Variants in LRP10 observed in about 807,000 individuals in gnomAD.
LRP10 encodes the protein LDL receptor related protein 10, also known as low-density lipoprotein receptor-related protein 10.
A neutral mutation model predicts 58.5 loss-of-function variants in LRP10; 42 were observed. The ratio of observed to expected loss-of-function variants is 0.72; its 90% CI spans 0.56 to 0.93. LRP10 has a LOEUF of 0.93. Ranked by LOEUF, LRP10 falls within the 40% of genes least tolerant of loss-of-function variation. The pLI is 0.00. For missense variants in LRP10, 872 were observed against 940.1 expected, an observed-to-expected ratio of 0.93 and a Z score of 0.95; for synonymous variants, 377 against 388.5, an observed-to-expected ratio of 0.97 and a Z score of 0.35.
intron 1 of LRP10, 143 bp from the exon 2 acceptor site, chr14:22,872,595 A>G (rs571574561): frequency 1.8e-5 from 14 of 798,142 alleles, no homozygotes; most frequent in Admixed American, 5.1e-5. Context: ...TGGAAGTCCC[A>G]CGCCGCAGCC....
intron 2 of LRP10, 125 bp downstream of exon 2, chr14:22,872,907 A>G (rs2039971050): frequency 5.2e-6 from 5 of 954,052 alleles, no homozygotes; most frequent in African/African-American, 1.7e-5. Flanking sequence ...TTTAGCCTTT[A>G]TTTATAGATA....
At chr14:22,872,466 C>T (rs1193453504) in intron 1 of LRP10, 129 bp downstream of exon 1, 6 of 1,092,154 alleles carry the variant, frequency 5.5e-6, no homozygotes, top group African/African-American at 1.5e-5. Flanking sequence ...AGCCCCAGCA[C>T]TGCCGGCCCC....
At position 22,875,439 on chromosome 14, in the gene LRP10, C is replaced by A. The variant is rs531591865; in HGVS notation, c.491C>A (p.Ala164Asp). Reference sequence around the variant, plus strand: ...GTCCAGCGCTGTGATGGGGTTGATGCCTGTGGCGATGGCTCTGATGAAGCA... The same window carrying A: ...GTCCAGCGCTGTGATGGGGTTGATGACTGTGGCGATGGCTCTGATGAAGCA... The part of the protein sequence containing the change: ...SAVQRCDGVD[A>D]CGDGSDEAGC... Residue 164 changes from alanine (A) to aspartate (D), a missense_variant, in exon 5 of 7, where the codon GCC becomes GAC. Coordinates refer to ENST00000359591, the MANE Select transcript of LRP10 (RefSeq NM_014045.5). The A allele has an allele frequency of 1.2e-6, 2 of 1,614,178 alleles. No homozygotes were observed. Among genetic ancestry groups the A allele is most frequent in the East Asian group, 4.5e-5 (2 of 44,882 alleles).
At chr14:22,872,644 G>T (rs2039967830) in intron 1 of LRP10, 94 bp from the exon 2 acceptor site, 1 of 1,260,430 alleles carries the variant, frequency 7.9e-7, no homozygotes. Context: ...TTAACTGCCC[G>T]GAAGTCCCGG....
At position 22,872,199 on chromosome 14, in the gene LRP10, G is replaced by A. The variant is rs2039961375; in HGVS notation, c.-105G>A. The A allele has an allele frequency of 3.4e-6, 4 of 1,189,218 alleles. No homozygotes were observed. Among genetic ancestry groups the A allele is most frequent in the African/African-American group, 1.5e-5 (1 of 66,768 alleles). 73.7% of individuals were successfully genotyped at this position (1,189,218 alleles called of 1,614,324 possible). A position where few individuals can be genotyped will look rare whatever the true frequency, so the allele number is the denominator to read the frequency against. ...CGAGCCCGGGCCATGGAGCCCCCCT[G>A]GGGAGGCGGCACCAGGGAGCCTGGG... is the stretch of plus-strand genomic sequence containing the variant. On this transcript the variant is annotated 5_prime_UTR_variant, in exon 1 of 7. It introduces an in-frame stop codon into an upstream open reading frame of the 5' UTR. Transcript: ENST00000359591.
chr14:22,877,742 C>T lies in LRP10; in HGVS notation c.*215C>T. The T allele has an allele frequency of 4.2e-6, 2 of 477,280 alleles. No homozygotes were observed. Among genetic ancestry groups the T allele is most frequent in the Non-Finnish European group, 7.4e-6 (2 of 271,508 alleles). The allele number at this position is 477,280 out of a possible 1,614,324, so 29.6% of individuals were successfully genotyped here. A position where few individuals can be genotyped will look rare whatever the true frequency, so the allele number is the denominator to read the frequency against. On this transcript the variant is annotated 3_prime_UTR_variant, in exon 7 of 7. Coordinates refer to ENST00000359591, the MANE Select transcript of LRP10 (RefSeq NM_014045.5). This position sits in a 1 kb window ranked among gnomAD's most constrained non-coding sequence, Gnocchi z 5.1. ...CTCACAGAGTCTCCTCTGTACGTGG[C>T]CATGGCCAGACACCCCAGTCCCTTC...
At chr14:22,874,493 A>G (rs992757224) in intron 3 of LRP10, among the ~76,000 whole-genome samples, 3 of 152,148 alleles carry the variant, frequency 2.0e-5, no homozygotes, top group African/African-American at 7.2e-5. Context: ...ACACAAGTCA[A>G]TTTTTCCAAA....
Position 22,879,069 on chromosome 14 carries a change from C to A in LRP10, c.*1542C>A. On this transcript the variant is annotated 3_prime_UTR_variant, in exon 7 of 7. Coordinates refer to ENST00000359591, the MANE Select transcript of LRP10 (RefSeq NM_014045.5). ...CCCACACCTGGCAGAGCCTGTCACC[C>A]AGCCTAGCCCCACGCCTGGCAGAGC... 2.5e-6 allele frequency: 1 copy of A among 399,816 alleles called. No individual in the cohort carries two copies. 24.8% of individuals were successfully genotyped at this position (399,816 alleles called of 1,614,324 possible).
intron 3 of LRP10, among the ~76,000 whole-genome samples, chr14:22,874,686 G>A (rs1456738158): frequency 3.3e-5 from 5 of 152,164 alleles, no homozygotes; most frequent in Non-Finnish European, 7.4e-5. Context: ...CCAGGAGTTC[G>A]AGACCAGCCT....
At chr14:22,873,082 C>T (rs975375380) in intron 2 of LRP10, 14 of 610,994 alleles carry the variant, frequency 2.3e-5, no homozygotes, top group East Asian at 1.7e-4. Flanking sequence ...ACAAAGCAGA[C>T]GTCAGAATTG....
Position 22,876,031 on chromosome 14 carries a change from C to G in LRP10, c.1083C>G (p.Phe361Leu). The change falls in exon 5 of 7, where the codon TTC (phenylalanine) becomes TTG (leucine). Residue 361 changes from phenylalanine (F) to leucine (L), a missense_variant. Phe to Leu is a conservative substitution (Grantham distance 22). Coordinates refer to ENST00000359591, the MANE Select transcript of LRP10 (RefSeq NM_014045.5). ...GCCCAGGCTGCCCACCTGGACACTTCCCCTGTGGGGCTGCTGGCACCTCTG... is the reference window on the plus strand; with the variant it reads ...GCCCAGGCTGCCCACCTGGACACTTGCCCTGTGGGGCTGCTGGCACCTCTG... Reference protein sequence around the residue: ...EDCPGCPPGHFPCGAAGTSGA... With the variant: ...EDCPGCPPGHLPCGAAGTSGA... The G allele has an allele frequency of 6.2e-7, 1 of 1,613,336 alleles. No individual in the cohort carries two copies. The highest frequency in any genetic ancestry group is 8.5e-7 in the Non-Finnish European group (1 of 1,179,940).
chr14:22,873,245 G>A (rs1460352927), intron 2 of LRP10, 66 bp from the exon 3 acceptor site: 1 of 1,553,858 alleles, frequency 6.4e-7, no homozygotes, highest in East Asian at 2.3e-5. Flanking sequence ...AAGCCTCCAA[G>A]CGGAAGGGGA....
intron 2 of LRP10, chr14:22,873,089 A>C: frequency 1.6e-6 from 1 of 615,144 alleles, no homozygotes; most frequent in Non-Finnish European, 2.8e-6. Context: ...AGACGTCAGA[A>C]TTGTTCGTGA....
chr14:22,872,836 GAGA>G, intron 2 of LRP10, 54 bp downstream of exon 2: 2 of 1,561,190 alleles, frequency 1.3e-6, no homozygotes, highest in African/African-American at 1.4e-5. Flanking sequence ...GGGAGCAGTC[GAGA>G]AGGACTCTCT....
Position 22,873,426 on chromosome 14 carries a change from G to A in LRP10, c.195G>A (p.Lys65=), listed in dbSNP as rs201713002. ...GCACCTGGCTCATCCTGGGCAGCAA[G>A]GAACAGACTGTCACCATCAGGTGAG... The part of the protein sequence containing the change: ...ANCTWLILGS[K]EQTVTIRFQK... Residue 65 remains lysine (K), a synonymous_variant, in exon 3 of 7, where the codon AAG becomes AAA. Coordinates refer to ENST00000359591, the MANE Select transcript of LRP10 (RefSeq NM_014045.5). The A allele has an allele frequency of 1.2e-6, 2 of 1,614,006 alleles. No homozygotes were observed. Among genetic ancestry groups the A allele is most frequent in the Non-Finnish European group, 1.7e-6 (2 of 1,179,974 alleles).
Position 22,876,776 on chromosome 14 carries a change from C to T in LRP10, c.1512C>T (p.Ala504=), listed in dbSNP as rs1311060242. 2 of 1,613,834 alleles carry T rather than the reference C, an allele frequency of 1.2e-6. No homozygotes were observed. Among genetic ancestry groups the T allele is most frequent in the African/African-American group, 2.7e-5 (2 of 74,966 alleles). Residue 504 remains alanine, a synonymous_variant, in exon 6 of 7, where the codon GCC becomes GCT. Coordinates refer to ENST00000359591, the MANE Select transcript of LRP10 (RefSeq NM_014045.5). ...ACGGGCAGCTCATTGCCCAGGGTGC[C>T]ATCCCACCTGTAGAAGACTTTCCTA... is the stretch of plus-strand genomic sequence containing the variant. ...PSYGQLIAQG[A]IPPVEDFPTE...
Position 22,875,129 on chromosome 14 carries a change from T to C in LRP10, c.290T>C (p.Leu97Pro). Residue 97 changes from leucine to proline, a missense_variant, in exon 4 of 7, where the codon CTG (leucine) becomes CCG (proline). Physicochemically the swap from Leu to Pro is moderately conservative, Grantham distance 98 (BLOSUM62 -3). Transcript: ENST00000359591. The part of the protein sequence containing the change: ...LRSPLQPLIS[L>P]CEAPPSPLQL... ...TCCCCTCTCCAGCCACTGATCTCCC[T>C]GTGTGAGGCACCTCCCAGCCCTCTG... 1.2e-6 allele frequency: 2 copies of C among 1,613,388 alleles called. No individual in the cohort carries two copies. The highest frequency in any genetic ancestry group is 2.2e-5 in the East Asian group (1 of 44,860).
At chr14:22,874,172 C>T (rs1345313790) in intron 3 of LRP10, among the ~76,000 whole-genome samples, 2 of 152,216 alleles carry the variant, frequency 1.3e-5, no homozygotes, top group Non-Finnish European at 2.9e-5. Flanking sequence ...CTCCCCTGAC[C>T]TTGGTCATTG....
In LRP10 at chr14:22,877,552, C is replaced by G. The variant is rs1369902979; in HGVS notation, c.*25C>G. 2.6e-6 allele frequency: 4 copies of G among 1,521,482 alleles called. No individual in the cohort carries two copies. The highest frequency in any genetic ancestry group is 3.7e-4 in the Middle Eastern group (2 of 5,402). 94.2% of individuals were successfully genotyped at this position (1,521,482 alleles called of 1,614,324 possible). The stretch of plus-strand genomic sequence containing the variant: ...AGGGGACCTGGGGGCTCTACTGAGG[C>G]CTCTCCCCTGGGGGCTCTACTCATA... On this transcript the variant is annotated 3_prime_UTR_variant, in exon 7 of 7. Transcript: ENST00000359591. The surrounding 1 kb of genome is among the most constrained non-coding windows in gnomAD (Gnocchi z 5.1).
Sources: allele counts gnomAD v4.1 joint callset (sites outside exome capture counted in the v4.1 genomes callset), GRCh38; gene constraint gnomAD v4.1.1; non-coding constraint Gnocchi (gnomAD v3.1); transcripts MANE v1.5; gene names NCBI Gene and HGNC (gene_info 2026-07-23, HGNC 2026-07-21).